The following L3HYPDH variants were observed in gnomAD, a reference collection of about 807,000 sequenced individuals.
L3HYPDH encodes trans-L-3-hydroxyproline dehydratase.
A neutral mutation model predicts 26.5 loss-of-function variants in L3HYPDH; 32 were observed. The ratio of observed to expected loss-of-function variants is 1.21; its 90% CI spans 0.91 to 1.62. The LOEUF is 1.62. Among genes scored for constraint, L3HYPDH ranks in the 40% most tolerant of loss-of-function variants. L3HYPDH has a pLI of 0.00. For missense variants in L3HYPDH, 554 were observed against 476.4 expected (o/e 1.16, Z -1.52); for synonymous variants, 215 against 196.6 (o/e 1.09, Z -0.78).
chr14:59,474,534 A>G (rs764846808), intron 4 of L3HYPDH: 6 of 699,496 alleles, frequency 8.6e-6, no homozygotes, highest in Non-Finnish European at 1.6e-5. Context: ...CTCCTATAAT[A>G]TAAAGCCTCA....
intron 2 of L3HYPDH, chr14:59,478,850 C>A (rs1889817154): frequency 1.6e-5 from 3 of 191,454 alleles, no homozygotes; most frequent in South Asian, 3.2e-4. Context: ...CTGGGCCACA[C>A]TGGGAGAAGA....
At chr14:59,500,516 GC>G in the L3HYPDH span, among the ~76,000 whole-genome samples, 1 of 152,280 alleles carries the variant, frequency 6.6e-6, no homozygotes, top group South Asian at 2.1e-4. Context: ...AGTAGAGATT[GC>G]AGGAATTTTG....
chr14:59,491,586 A>G, the L3HYPDH span, among the ~76,000 whole-genome samples: 1 of 152,250 alleles, frequency 6.6e-6, no homozygotes, highest in Non-Finnish European at 1.5e-5. Flanking sequence ...AAAATGGCAC[A>G]GGAGTTCTGT....
downstream of L3HYPDH, among the ~76,000 whole-genome samples, chr14:59,471,659 T>G (rs1231714186): frequency 6.6e-6 from 1 of 152,236 alleles, no homozygotes; most frequent in African/African-American, 2.4e-5. Flanking sequence ...TTTCTGAATG[T>G]ACTTCAGTAT....
intron 2 of L3HYPDH, chr14:59,478,950 A>T (rs1889826687): frequency 5.0e-6 from 2 of 400,266 alleles, no homozygotes; most frequent in Non-Finnish European, 8.7e-6. Flanking sequence ...ATGTTTTAAG[A>T]AAGTTTACAA....
At chr14:59,489,756 A>T in the L3HYPDH span, among the ~76,000 whole-genome samples, 1 of 152,178 alleles carries the variant, frequency 6.6e-6, no homozygotes, top group Non-Finnish European at 1.5e-5. Context: ...GAAGCATAGT[A>T]CTGGCATCTG....
intron 1 of L3HYPDH, chr14:59,483,479 C>T: frequency 8.0e-7 from 1 of 1,244,088 alleles, no homozygotes; most frequent in Non-Finnish European, 1.0e-6. Flanking sequence ...CTTTCCTTGA[C>T]CCCACCGTAC....
At chr14:59,494,257 C>T in the L3HYPDH span, among the ~76,000 whole-genome samples, 1 of 151,888 alleles carries the variant, frequency 6.6e-6, no homozygotes, top group Admixed American at 6.6e-5. Context: ...AAAGGCTTCA[C>T]AAAGAAAGTG....
upstream of L3HYPDH, among the ~76,000 whole-genome samples, chr14:59,488,449 A>T (rs1208957639): frequency 6.6e-6 from 1 of 152,164 alleles, no homozygotes; most frequent in Non-Finnish European, 1.5e-5. Context: ...GCCTCATGGG[A>T]TCTGAAAGAT....
chr14:59,498,155 A>G, the L3HYPDH span, among the ~76,000 whole-genome samples: 5 of 152,192 alleles, frequency 3.3e-5, no homozygotes, highest in African/African-American at 9.6e-5. Flanking sequence ...TACAAATTTT[A>G]TCTTTCCAGT....
upstream of L3HYPDH, chr14:59,485,090 A>C: frequency 6.3e-7 from 1 of 1,598,442 alleles, no homozygotes; most frequent in Non-Finnish European, 8.5e-7. Flanking sequence ...GAAATTCAAC[A>C]GTCGCTTGGA....
intron 1 of L3HYPDH, among the ~76,000 whole-genome samples, chr14:59,481,288 G>C (rs1017198936): frequency 3.9e-5 from 6 of 152,154 alleles, no homozygotes; most frequent in Admixed American, 2.0e-4. Flanking sequence ...TCACCCATGA[G>C]TACTTCCTAT....
chr14:59,474,931 T>C (rs1052480731), intron 4 of L3HYPDH: 18 of 156,150 alleles, frequency 1.2e-4, no homozygotes, highest in Admixed American at 7.8e-4. Context: ...TAGAGATCCT[T>C]AAGGAAACTC....
At chr14:59,466,897 C>T (rs978077608) in intron 1 of L3HYPDH, among the ~76,000 whole-genome samples, 5 of 152,190 alleles carry the variant, frequency 3.3e-5, no homozygotes, top group African/African-American at 9.7e-5. Flanking sequence ...ACAACTAAAA[C>T]TGTCTTCAGA....
downstream of L3HYPDH, among the ~76,000 whole-genome samples, chr14:59,471,092 G>A (rs1347874966): frequency 2.6e-5 from 4 of 152,006 alleles, no homozygotes; most frequent in Non-Finnish European, 1.5e-5. Flanking sequence ...TGACTGACTA[G>A]ACATGTGGAG....
chr14:59,472,255 T>C (rs1413314922), downstream of L3HYPDH, among the ~76,000 whole-genome samples: 2 of 152,240 alleles, frequency 1.3e-5, no homozygotes, highest in African/African-American at 4.8e-5. Context: ...ACTCATTCCA[T>C]TGTAAGGATT....
chr14:59,501,004 C>T, the L3HYPDH span: 5 of 533,934 alleles, frequency 9.4e-6, no homozygotes, highest in African/African-American at 2.0e-5. Context: ...AGGGCTGAAA[C>T]TATTTACTAT....
chr14:59,476,784 T>C (rs888256632), intron 2 of L3HYPDH, among the ~76,000 whole-genome samples: 3 of 152,196 alleles, frequency 2.0e-5, no homozygotes, highest in Admixed American at 6.5e-5. Flanking sequence ...ATGAAGTCAG[T>C]TGATTCATCA....
chr14:59,474,299 C>T, intron 4 of L3HYPDH: 1 of 544,080 alleles, frequency 1.8e-6, no homozygotes, highest in Non-Finnish European at 3.2e-6. Context: ...TCCTATCACA[C>T]ATACACAGTA....
Sources: allele counts gnomAD v4.1 joint callset (sites outside exome capture counted in the v4.1 genomes callset), GRCh38; gene constraint gnomAD v4.1.1; transcripts MANE v1.5; gene names NCBI Gene and HGNC (gene_info 2026-07-23, HGNC 2026-07-21).